Variants in GALNT14 observed in about 807,000 individuals in gnomAD.
GALNT14 encodes the protein UDP-GalNAc:polypeptide N-acetylgalactosaminyltransferase 14.
In GALNT14, 60 loss-of-function variants were observed where a neutral mutation model predicts 77.5. That is an observed-to-expected ratio of 0.77 (90% CI 0.63 to 0.96). The LOEUF (loss-of-function observed/expected upper bound fraction) is 0.96, where lower values mean the gene tolerates loss of function less well. Among genes scored for constraint, GALNT14 ranks in the 40% least tolerant of loss-of-function variants. The pLI, the probability that GALNT14 is intolerant of heterozygous loss-of-function variation, is 0.00. For synonymous variants in GALNT14, 280 were observed against 281.7 expected, an observed-to-expected ratio of 0.99 and a Z score of 0.06; for missense variants, 710 against 731.0, an observed-to-expected ratio of 0.97 and a Z score of 0.33.
chr2:30,940,572 T>C (rs898992547), intron 9 of GALNT14, among the ~76,000 whole-genome samples: 5 of 152,236 alleles, frequency 3.3e-5, no homozygotes, highest in Admixed American at 1.3e-4. Context: ...GGATGGCTGC[T>C]GTCTATAAGA....
At position 30,910,654 on chromosome 2, in the gene GALNT14, G is replaced by C. The variant is rs1664301500; in HGVS notation, c.*247C>G. ...TTTCTGTCTCCAGATACCAATCAGG[G>C]AATGACTGGCCAGGACTGGAACTTA... On this transcript the variant is annotated 3_prime_UTR_variant, in exon 15 of 15. Coordinates refer to ENST00000349752, the MANE Select transcript of GALNT14 (RefSeq NM_024572.4). 4.5e-6 allele frequency: 2 copies of C among 440,182 alleles called. No individual in the cohort carries two copies. Among genetic ancestry groups the C allele is most frequent in the African/African-American group, 2.0e-5 (1 of 49,376 alleles). The allele number at this position is 440,182 out of a possible 1,614,324, so 27.3% of individuals were successfully genotyped here.
At chr2:30,964,289 C>A (rs1667867045) in intron 3 of GALNT14, among the ~76,000 whole-genome samples, 1 of 152,206 alleles carries the variant, frequency 6.6e-6, no homozygotes, top group Non-Finnish European at 1.5e-5. Context: ...CATGAACCCC[C>A]CCTGGTGCCC....
intron 6 of GALNT14, among the ~76,000 whole-genome samples, chr2:30,951,101 A>G (rs1260894996): frequency 1.3e-5 from 2 of 152,186 alleles, no homozygotes; most frequent in African/African-American, 4.8e-5. Context: ...TCAAACAAAA[A>G]CTTGTACACA....
intron 1 of GALNT14, among the ~76,000 whole-genome samples, chr2:31,088,814 C>G (rs1466394587): frequency 6.6e-6 from 1 of 152,096 alleles, no homozygotes; most frequent in Non-Finnish European, 1.5e-5. Context: ...AGGGATGAGA[C>G]AGCTTTGGCA....
intron 12 of GALNT14, 50 bp downstream of exon 12, chr2:30,924,690 G>T: frequency 6.6e-7 from 1 of 1,516,624 alleles, no homozygotes; most frequent in Non-Finnish European, 9.1e-7. Context: ...CAAGCCAGCT[G>T]AGGGCCTCTG....
intron 1 of GALNT14, among the ~76,000 whole-genome samples, chr2:31,124,615 T>G (rs1558584736): frequency 6.6e-6 from 1 of 152,284 alleles, no homozygotes; most frequent in East Asian, 1.9e-4. Flanking sequence ...GGCACTGTTT[T>G]TTTGTTTTTG....
chr2:31,007,448 CCAAT>C (rs971479782), intron 1 of GALNT14, among the ~76,000 whole-genome samples: 43 of 152,322 alleles, frequency 2.8e-4, no homozygotes, highest in African/African-American at 1.0e-3. Context: ...ACGCGTGTCA[CCAAT>C]CATTCTTGTC....
intron 1 of GALNT14, among the ~76,000 whole-genome samples, chr2:31,077,942 A>G (rs2148578316): frequency 6.6e-6 from 1 of 152,344 alleles, no homozygotes; most frequent in Non-Finnish European, 1.5e-5. Flanking sequence ...AGTAGGTTAC[A>G]AAATAGAGTT....
chr2:31,084,849 AC>A lies in GALNT14; in HGVS notation c.129+53108del, dbSNP rs1489373032. Among the ~76,000 whole-genome samples the A allele has an allele frequency of 3.9e-5, 6 of 151,992 alleles. No homozygotes were observed. In the East Asian group the frequency reaches 1.2e-3, roughly 29 times the overall value. On this transcript the variant is annotated intron_variant, in intron 1 of 14. Coordinates refer to ENST00000349752, the MANE Select transcript of GALNT14 (RefSeq NM_024572.4). ...AGACCAGCCTAGCCAACATGGTGAA[AC>A]CCCATCTCTACTAAAAATACAAAAA...
intron 1 of GALNT14, among the ~76,000 whole-genome samples, chr2:31,061,987 C>T (rs1218357584): frequency 6.6e-6 from 1 of 152,144 alleles, no homozygotes; most frequent in African/African-American, 2.4e-5. Flanking sequence ...TAATATAGTG[C>T]CTAAAACAGT....
intron 13 of GALNT14, among the ~76,000 whole-genome samples, chr2:30,913,907 TAA>T (rs1664519437): frequency 6.6e-6 from 1 of 152,194 alleles, no homozygotes; most frequent in African/African-American, 2.4e-5. Context: ...TTTTCTATAA[TAA>T]AAAGTCATGA....
intron 1 of GALNT14, among the ~76,000 whole-genome samples, chr2:31,006,393 C>A (rs963067579): frequency 6.6e-6 from 1 of 152,052 alleles, no homozygotes; most frequent in African/African-American, 2.4e-5. Flanking sequence ...AGGCTCTATC[C>A]TAAGAATGTC....
In GALNT14 at chr2:30,932,067, C is replaced by T; in HGVS notation, c.1058+1G>A. 1 of 1,541,132 alleles carries T rather than the reference C, an allele frequency of 6.5e-7. No homozygotes were observed. ...CCCGCGCTGAGCCCCTGGGCACTTA[C>T]TTTATATACGTGTTGGCATTTCCAT... is the stretch of plus-strand genomic sequence containing the variant. On this transcript the variant is annotated splice_donor_variant, in intron 10 of 14. Transcript: ENST00000349752. LOFTEE classifies it high-confidence loss of function.
chr2:30,953,753 C>T lies in GALNT14; in HGVS notation c.654+1865G>A, dbSNP rs76338543. On this transcript the variant is annotated intron_variant, in intron 6 of 14. Coordinates refer to ENST00000349752, the MANE Select transcript of GALNT14 (RefSeq NM_024572.4). Reference sequence around the variant, plus strand: ...ACCTTACTAAGCAGGGTATGGATACCTTTTACACAGCCCATTCCAACCCTT... The same window carrying T: ...ACCTTACTAAGCAGGGTATGGATACTTTTTACACAGCCCATTCCAACCCTT... 4.0e-3 allele frequency among the ~76,000 whole-genome samples: 604 copies of T among 152,288 alleles called. 4 individuals carry two copies. The highest frequency in any genetic ancestry group is 0.014 in the African/African-American group (570 of 41,546).
chr2:31,033,484 G>A (rs911093104), intron 1 of GALNT14, among the ~76,000 whole-genome samples: 17 of 152,140 alleles, frequency 1.1e-4, no homozygotes, highest in African/African-American at 4.1e-4. Flanking sequence ...TGATCCTCCA[G>A]CTAAATTCTG....
At chr2:30,973,926 T>G (rs947857567) in intron 2 of GALNT14, among the ~76,000 whole-genome samples, 1 of 152,216 alleles carries the variant, frequency 6.6e-6, no homozygotes, top group African/African-American at 2.4e-5. Flanking sequence ...TTAATTCCAG[T>G]GGTCTAGAAA....
intron 2 of GALNT14, among the ~76,000 whole-genome samples, chr2:30,971,511 C>G (rs1017299760): frequency 1.3e-5 from 2 of 152,130 alleles, no homozygotes; most frequent in African/African-American, 4.8e-5. Context: ...CTAAGCTGAT[C>G]GCTGACATGC....
At chr2:30,921,003 C>G (rs1183423223) in intron 13 of GALNT14, among the ~76,000 whole-genome samples, 1 of 152,198 alleles carries the variant, frequency 6.6e-6, no homozygotes, top group Non-Finnish European at 1.5e-5. Context: ...AGAGAAGATG[C>G]TTTACTCACC....
At chr2:30,940,375 T>A (rs73921201) in intron 9 of GALNT14, among the ~76,000 whole-genome samples, 4,501 of 152,320 alleles carry the variant, frequency 0.03, 94 homozygotes, top group Admixed American at 0.054. Flanking sequence ...AGAACTTCCA[T>A]GTGGAAGAAG....
Sources: allele counts gnomAD v4.1 joint callset (sites outside exome capture counted in the v4.1 genomes callset), GRCh38; gene constraint gnomAD v4.1.1; transcripts MANE v1.5; gene names NCBI Gene and HGNC (gene_info 2026-07-23, HGNC 2026-07-21).